MKX: variants seen among roughly 807,000 people sequenced by gnomAD.
The protein encoded by MKX is homeobox protein Mohawk.
Under a neutral mutation model 36.0 loss-of-function variants are expected in MKX, and 13 were observed. The observed-to-expected ratio is 0.36, with a 90% confidence interval of 0.24 to 0.57. The LOEUF is 0.57. Among genes scored for constraint, MKX ranks in the 20% least tolerant of loss-of-function variants. The probability of loss-of-function intolerance (pLI) is 0.79; values close to 1 mark genes in which losing one functional copy is unlikely to be tolerated. For synonymous variants in MKX, 176 were observed against 178.3 expected (o/e 0.99, Z 0.10); for missense variants, 458 against 456.4 (o/e 1.00, Z -0.03).
intron 5 of MKX, among the ~76,000 whole-genome samples, chr10:27,688,571 T>C (rs1484661722): frequency 6.6e-6 from 1 of 152,242 alleles, no homozygotes; most frequent in Admixed American, 6.5e-5. Context: ...GTTTCATCCA[T>C]GAAACCTAGA....
chr10:27,685,696 C>T (rs1056728722), intron 5 of MKX, among the ~76,000 whole-genome samples: 4 of 152,102 alleles, frequency 2.6e-5, no homozygotes, highest in East Asian at 3.9e-4. Flanking sequence ...GTGATCCACC[C>T]GCCTCCGCCT....
intron 5 of MKX, among the ~76,000 whole-genome samples, chr10:27,700,706 CA>C (rs1179798728): frequency 6.6e-5 from 10 of 152,136 alleles, no homozygotes; most frequent in African/African-American, 2.4e-4. Context: ...ATAAACCGAT[CA>C]ATCAACAGAT....
chr10:27,742,992 C>T lies in MKX; in HGVS notation c.188+236G>A, dbSNP rs1428700712. Among the ~76,000 whole-genome samples, 1 of 152,244 alleles carries T rather than the reference C, an allele frequency of 6.6e-6. No homozygotes were observed. The highest frequency in any genetic ancestry group is 1.5e-5 in the Non-Finnish European group (1 of 68,036). ...AGGGCCGAGGGGCAGCTCCTGGCGCCCTTAGTCTCCACCAAGCTCTTTGGA... is the reference window on the plus strand; with the variant it reads ...AGGGCCGAGGGGCAGCTCCTGGCGCTCTTAGTCTCCACCAAGCTCTTTGGA... On this transcript the variant is annotated intron_variant, in intron 2 of 6. Transcript: ENST00000419761. The surrounding 1 kb of genome is among the most constrained non-coding windows in gnomAD (Gnocchi z 4.2).
intron 5 of MKX, among the ~76,000 whole-genome samples, chr10:27,681,148 G>A (rs897064977): frequency 7.2e-5 from 11 of 152,188 alleles, no homozygotes. Context: ...TGATGCTGGT[G>A]TAAAGAAACC....
At chr10:27,682,388 T>C (rs1273161449) in intron 5 of MKX, among the ~76,000 whole-genome samples, 1 of 152,152 alleles carries the variant, frequency 6.6e-6, no homozygotes, top group Non-Finnish European at 1.5e-5. Context: ...GTGGCCTAAG[T>C]GTCCAGTGTT....
chr10:27,718,871 A>G (rs1473448496), intron 5 of MKX, among the ~76,000 whole-genome samples: 1 of 152,152 alleles, frequency 6.6e-6, no homozygotes, highest in African/African-American at 2.4e-5. Flanking sequence ...ATGTTGCAAC[A>G]ATTCCCACTG....
At chr10:27,717,287 T>C (rs144195017) in intron 5 of MKX, among the ~76,000 whole-genome samples, 1 of 152,354 alleles carries the variant, frequency 6.6e-6, no homozygotes, top group African/African-American at 2.4e-5. Flanking sequence ...TTTGGGCTCA[T>C]AAATGGGTGC....
At position 27,741,025 on chromosome 10, in the gene MKX, G is replaced by C. The variant is rs1834880914; in HGVS notation, c.348+320C>G. ...GTCTCACCCCAGACCTGCTGAATCC[G>C]AAACTCGGAGGTGGGGCCTAGCGAT... is the stretch of plus-strand genomic sequence containing the variant. On this transcript the variant is annotated intron_variant, in intron 3 of 6. Coordinates refer to ENST00000419761, the MANE Select transcript of MKX (RefSeq NM_173576.3). This position sits in a 1 kb window ranked among gnomAD's most constrained non-coding sequence, Gnocchi z 5.1. Among the ~76,000 whole-genome samples the C allele has an allele frequency of 6.6e-6, 1 of 152,160 alleles. No homozygotes were observed. The highest frequency in any genetic ancestry group is 6.5e-5 in the Admixed American group (1 of 15,272).
chr10:27,707,803 A>C (rs1836783289), intron 5 of MKX, among the ~76,000 whole-genome samples: 1 of 152,254 alleles, frequency 6.6e-6, no homozygotes, highest in African/African-American at 2.4e-5. Flanking sequence ...CCTCTAGCTA[A>C]TCCATTTGTG....
intron 5 of MKX, among the ~76,000 whole-genome samples, chr10:27,702,120 G>C (rs1009263644): frequency 6.6e-6 from 1 of 152,080 alleles, no homozygotes; most frequent in Admixed American, 6.5e-5. Context: ...CTGAATCCAG[G>C]AAAATGAGGG....
In MKX at chr10:27,691,341, C is replaced by T. The variant is rs569653793; in HGVS notation, c.839-15787G>A. Among the ~76,000 whole-genome samples the T allele has an allele frequency of 5.3e-5, 8 of 152,144 alleles. No homozygotes were observed. The East Asian group carries it at 1.5e-3, about 29-fold the overall frequency. On this transcript the variant is annotated intron_variant, in intron 5 of 6. Transcript: ENST00000419761. The stretch of plus-strand genomic sequence containing the variant: ...CGATGTTGAGGGTGAAGGGGCTACC[C>T]TATGAGAACTATGGTGTGGGCCATT...
intron 5 of MKX, among the ~76,000 whole-genome samples, chr10:27,718,105 C>T (rs559127760): frequency 6.6e-6 from 1 of 152,206 alleles, no homozygotes; most frequent in South Asian, 2.1e-4. Flanking sequence ...TGCTCAGGGA[C>T]ATAGAAGTAT....
At chr10:27,698,752 G>A (rs994144802) in intron 5 of MKX, among the ~76,000 whole-genome samples, 3 of 152,082 alleles carry the variant, frequency 2.0e-5, no homozygotes, top group East Asian at 1.9e-4. Context: ...AGAAAACCGC[G>A]ATGCGAAATT....
At chr10:27,675,646 T>G in intron 5 of MKX, 92 bp from the exon 6 acceptor site, 5 of 1,253,914 alleles carry the variant, frequency 4.0e-6, no homozygotes, top group Non-Finnish European at 5.6e-6. Context: ...GAAGTAAAAG[T>G]TCTTCAGGAA....
chr10:27,699,123 C>T (rs765117716), intron 5 of MKX, among the ~76,000 whole-genome samples: 3 of 152,094 alleles, frequency 2.0e-5, no homozygotes, highest in African/African-American at 4.8e-5. Flanking sequence ...TTTCCTTAAG[C>T]GAAGAAACAG....
chr10:27,679,012 G>A (rs1306465779), intron 5 of MKX, among the ~76,000 whole-genome samples: 1 of 152,106 alleles, frequency 6.6e-6, no homozygotes, highest in African/African-American at 2.4e-5. Context: ...ACTGAATTCT[G>A]TATTTTATTC....
intron 5 of MKX, among the ~76,000 whole-genome samples, chr10:27,700,197 C>A (rs758832154): frequency 1.3e-5 from 2 of 152,178 alleles, no homozygotes; most frequent in East Asian, 3.8e-4. Context: ...AGATGATTTA[C>A]TAACAAAGTA....
At chr10:27,690,418 T>C (rs1456773417) in intron 5 of MKX, among the ~76,000 whole-genome samples, 1 of 144,400 alleles carries the variant, frequency 6.9e-6, no homozygotes, top group Admixed American at 6.9e-5. Context: ...AAGTTCATCT[T>C]TTGGGAGGAA....
rs573028745 is a variant in MKX at position 27,675,133 on chromosome 10, G to T, written c.*96C>A. On this transcript the variant is annotated 3_prime_UTR_variant, in exon 7 of 7. Transcript: ENST00000419761. ...ATAATTAAAAATAAGAAGAGGTTTG[G>T]GAGAGAGTCATTTTCATCCCTGCTT... 2.2e-5 allele frequency: 25 copies of T among 1,162,634 alleles called. No individual in the cohort carries two copies. In the Admixed American group the frequency reaches 3.0e-4, roughly 14 times the overall value. The allele number at this position is 1,162,634 out of a possible 1,614,324, so 72.0% of individuals were successfully genotyped here.
Sources: gnomAD v4.1 joint callset for allele counts (sites outside exome capture counted in the v4.1 genomes callset) on GRCh38, gnomAD v4.1.1 for gene constraint, Gnocchi (gnomAD v3.1) non-coding constraint, MANE v1.5 for transcripts, NCBI Gene and HGNC (gene_info 2026-07-23, HGNC 2026-07-21) for gene names.